SLC6A19: variants seen among roughly 807,000 people sequenced by gnomAD.
SLC6A19 encodes the protein solute carrier family 6 member 19, also known as sodium-dependent neutral amino acid transporter B(0)AT1.
Under a neutral mutation model 68.3 loss-of-function variants are expected in SLC6A19, and 67 were observed. The observed-to-expected ratio is 0.98, with a 90% confidence interval of 0.81 to 1.20. The LOEUF (loss-of-function observed/expected upper bound fraction) is 1.20, where lower values mean the gene tolerates loss of function less well. SLC6A19 is among the 50% of genes most tolerant of loss of function. The probability of loss-of-function intolerance (pLI) is 0.00; values close to 1 mark genes in which losing one functional copy is unlikely to be tolerated. For missense variants in SLC6A19, 813 were observed against 851.6 expected (o/e 0.95, Z 0.56); for synonymous variants, 392 against 374.9 (o/e 1.05, Z -0.53).
intron 10 of SLC6A19, among the ~76,000 whole-genome samples, chr5:1,220,664 C>T (rs1011726437): frequency 2.6e-5 from 4 of 152,324 alleles, no homozygotes; most frequent in African/African-American, 7.2e-5. Flanking sequence ...GGCCTGGGAC[C>T]GGCTTGGGTG....
At chr5:1,202,861 A>C (rs1745754447) in intron 1 of SLC6A19, among the ~76,000 whole-genome samples, 1 of 152,168 alleles carries the variant, frequency 6.6e-6, no homozygotes, top group Non-Finnish European at 1.5e-5. Flanking sequence ...CAGCATTGTC[A>C]AGGAGTTGAT....
rs1248634080 is a variant in SLC6A19, at chr5:1,216,859, A to T, written c.1087A>T (p.Met363Leu). The T allele has an allele frequency of 5.6e-6, 9 of 1,613,800 alleles. No homozygotes were observed. Among genetic ancestry groups the T allele is most frequent in the Non-Finnish European group, 7.6e-6 (9 of 1,180,046 alleles). ...CGTGACCCAGGAGAACTTTGTGGAC[A>T]TGCAGCAGCGGTGCAACGCCTCCGA... ...GNVTQENFVDMQQRCNASDPA... is the reference protein window; with the variant it reads ...GNVTQENFVDLQQRCNASDPA... Residue 363 changes from methionine (M) to leucine (L), a missense_variant, in exon 8 of 12, where the codon ATG becomes TTG. Physicochemically the swap from Met to Leu is conservative, Grantham distance 15 (BLOSUM62 2). Coordinates refer to ENST00000304460, the MANE Select transcript of SLC6A19 (RefSeq NM_001003841.3).
At position 1,224,268 on chromosome 5, in the gene SLC6A19, C is replaced by A. The variant is rs1262986672; in HGVS notation, c.*2364C>A. ...GCGGGAGCTCCCATCTCATCTACAT[C>A]TCCTGATTCATGCGTTGTTTCATAG... On this transcript the variant is annotated 3_prime_UTR_variant, in exon 12 of 12. Coordinates refer to ENST00000304460, the MANE Select transcript of SLC6A19 (RefSeq NM_001003841.3). 1 of 151,686 alleles carries A rather than the reference C, an allele frequency of 6.6e-6. No homozygotes were observed. The highest frequency in any genetic ancestry group is 6.6e-5 in the Admixed American group (1 of 15,230). The allele number at this position is 151,686 out of a possible 1,614,324, so 9.4% of individuals were successfully genotyped here. A position where few individuals can be genotyped will look rare whatever the true frequency, so the allele number is the denominator to read the frequency against.
chr5:1,201,960 G>T, intron 1 of SLC6A19, 108 bp downstream of exon 1: 1 of 1,373,064 alleles, frequency 7.3e-7, no homozygotes, highest in Non-Finnish European at 9.8e-7. Flanking sequence ...CCCCAAGCAC[G>T]GAGGGGAGAG....
chr5:1,212,919 T>C lies in SLC6A19; in HGVS notation c.663+435T>C, dbSNP rs1441815414. ...CCTTTCTTCTGGTGGGCCGGCAGCC[T>C]GTGAGGCCCTGTCCCCGTTCCCACT... On this transcript the variant is annotated intron_variant, in intron 4 of 11. Transcript: ENST00000304460. This position sits in a 1 kb window ranked among gnomAD's most constrained non-coding sequence, Gnocchi z 5.1. 6.6e-6 allele frequency among the ~76,000 whole-genome samples: 1 copy of C among 151,920 alleles called. No homozygotes were observed. Among genetic ancestry groups the C allele is most frequent in the Non-Finnish European group, 1.5e-5 (1 of 67,944 alleles).
chr5:1,212,786 T>C lies in SLC6A19; in HGVS notation c.663+302T>C, dbSNP rs570522867. Among the ~76,000 whole-genome samples the C allele has an allele frequency of 3.5e-4, 54 of 152,202 alleles. No individual in the cohort carries two copies. The highest frequency in any genetic ancestry group is 1.3e-3 in the African/African-American group (52 of 41,496). On this transcript the variant is annotated intron_variant, in intron 4 of 11. Transcript: ENST00000304460. The surrounding 1 kb of genome is among the most constrained non-coding windows in gnomAD (Gnocchi z 5.1). ...ACCAGAAAGAGATAGACGATGATGA[T>C]GATGATGGTGATGATGGTGATGATA...
chr5:1,208,219 C>T (rs939716484), intron 1 of SLC6A19, among the ~76,000 whole-genome samples: 5 of 152,268 alleles, frequency 3.3e-5, no homozygotes, highest in South Asian at 2.1e-4. Context: ...AGGCCACACA[C>T]GATTGCCAGG....
intron 6 of SLC6A19, 109 bp from the exon 7 acceptor site, chr5:1,216,449 C>T: frequency 6.6e-6 from 10 of 1,522,302 alleles, no homozygotes; most frequent in South Asian, 5.7e-5. Context: ...AGTGGCTCAG[C>T]CTCTCACTCC....
rs115133359 is a variant in SLC6A19 at position 1,216,636 on chromosome 5, C to T, written c.966C>T (p.Tyr322=). Residue 322 remains tyrosine, a synonymous_variant, in exon 7 of 12, where the codon TAC becomes TAT. Coordinates refer to ENST00000304460, the MANE Select transcript of SLC6A19 (RefSeq NM_001003841.3). ...CGGTGTATGTGGCCATCGTGGTCTA[C>T]TCCGTCATTGGGTTCCGCGCCACAC... ...FTSVYVAIVV[Y]SVIGFRATQR... is the part of the protein sequence containing the mutation. The T allele has an allele frequency of 2.3e-3, 3,778 of 1,614,074 alleles. 87 individuals carry two copies. In the African/African-American group the frequency reaches 0.045, roughly 19 times the overall value.
intron 10 of SLC6A19, among the ~76,000 whole-genome samples, chr5:1,220,837 C>T (rs1036372963): frequency 2.6e-5 from 4 of 152,154 alleles, no homozygotes; most frequent in Admixed American, 1.3e-4. Context: ...TGTCTGGCGG[C>T]GCTCCCTCCT....
rs1367779582 is a variant in SLC6A19 at position 1,221,872 on chromosome 5, A to G, written c.1873A>G (p.Thr625Ala). ...DHQGLVSTLSTASMNGDLKY is the reference protein window; with the variant it reads ...DHQGLVSTLSAASMNGDLKY ...TCAGGGGCTGGTGAGCACACTGTCC[A>G]CAGCCTCCATGAACGGGGACCTGAA... Residue 625 changes from threonine (T) to alanine (A), a missense_variant, in exon 12 of 12, where the codon ACA (threonine) becomes GCA (alanine). Transcript: ENST00000304460. The G allele has an allele frequency of 6.2e-7, 1 of 1,614,126 alleles. No homozygotes were observed. The highest frequency in any genetic ancestry group is 1.7e-5 in the Admixed American group (1 of 60,022).
intron 8 of SLC6A19, among the ~76,000 whole-genome samples, chr5:1,217,156 C>G (rs1193980860): frequency 1.3e-5 from 2 of 152,272 alleles, no homozygotes; most frequent in Non-Finnish European, 2.9e-5. Context: ...ACTTCCGAGG[C>G]TCCTGTTAAC....
chr5:1,201,615 C>T lies in SLC6A19; in HGVS notation c.-36C>T, dbSNP rs111886371. ...CGGCCACTCGCCCTCCAGCTTCTGC[C>T]CTGCCTGCTGTGTGCGGAGCCGTCC... is the stretch of plus-strand genomic sequence containing the variant. On this transcript the variant is annotated 5_prime_UTR_variant, in exon 1 of 12. Coordinates refer to ENST00000304460, the MANE Select transcript of SLC6A19 (RefSeq NM_001003841.3). 1.5e-5 allele frequency: 24 copies of T among 1,589,412 alleles called. No individual in the cohort carries two copies. Among genetic ancestry groups the T allele is most frequent in the Admixed American group, 8.6e-5 (5 of 58,080 alleles).
intron 3 of SLC6A19, among the ~76,000 whole-genome samples, chr5:1,211,777 G>A (rs565250060): frequency 6.6e-6 from 1 of 151,874 alleles, no homozygotes; most frequent in Non-Finnish European, 1.5e-5. Context: ...ACATGCATGT[G>A]CGTGCATGTG....
At chr5:1,211,683 GTGTGCA>G (rs1265292751) in intron 3 of SLC6A19, among the ~76,000 whole-genome samples, 1 of 151,118 alleles carries the variant, frequency 6.6e-6, no homozygotes, top group East Asian at 2.0e-4. Context: ...CATGTGTGCT[GTGTGCA>G]TGTGCATGTG....
chr5:1,205,683 G>A (rs1745833394), intron 1 of SLC6A19, among the ~76,000 whole-genome samples: 1 of 152,254 alleles, frequency 6.6e-6, no homozygotes, highest in Non-Finnish European at 1.5e-5. Context: ...AGGGAAGGGA[G>A]AGGGTGGAGG....
rs1231923780 is a variant in SLC6A19, at chr5:1,208,786, G to C, written c.243G>C (p.Glu81Asp). Residue 81 changes from glutamate to aspartate, a missense_variant, in exon 2 of 12, where the codon GAG becomes GAC. Glu to Asp is a conservative substitution (Grantham distance 45, BLOSUM62 2). Transcript: ENST00000304460. ...CGTTCCTCATCCTGCTGGTCCTGGA[G>C]GGCATCCCCCTGCTGTACCTGGAGT... Reference protein sequence around the residue: ...MIPFLILLVLEGIPLLYLEFA... With the variant: ...MIPFLILLVLDGIPLLYLEFA... The C allele has an allele frequency of 6.2e-7, 1 of 1,613,458 alleles. No homozygotes were observed. The highest frequency in any genetic ancestry group is 1.3e-5 in the African/African-American group (1 of 75,046).
rs369314798 is a variant in SLC6A19 at position 1,201,864 on chromosome 5, G to A, written c.202+12G>A. On this transcript the variant is annotated intron_variant, in intron 1 of 11. Transcript: ENST00000304460. ...GAGCCACGGAGGAGGTAGGCTGGCC[G>A]GGCGGGGCTGCGGGCGAGGCCGTGG... The A allele has an allele frequency of 2.2e-4, 354 of 1,606,182 alleles. 1 individual carries two copies. Among genetic ancestry groups the A allele is most frequent in the Middle Eastern group, 1.5e-3 (9 of 5,994 alleles).
chr5:1,202,603 C>T (rs957615977), intron 1 of SLC6A19, among the ~76,000 whole-genome samples: 6 of 152,156 alleles, frequency 3.9e-5, no homozygotes, highest in Admixed American at 3.9e-4. Context: ...CTGCTGCCCT[C>T]ATAAACCTGC....
Sources: gnomAD v4.1 joint callset for allele counts (sites outside exome capture counted in the v4.1 genomes callset) on GRCh38, gnomAD v4.1.1 for gene constraint, Gnocchi (gnomAD v3.1) non-coding constraint, MANE v1.5 for transcripts, NCBI Gene and HGNC (gene_info 2026-07-23, HGNC 2026-07-21) for gene names.